AP1G1: variants seen among roughly 807,000 people sequenced by gnomAD.
AP1G1 encodes the protein adaptor related protein complex 1 subunit gamma 1.
Under a neutral mutation model 108.3 loss-of-function variants are expected in AP1G1, and 7 were observed. The observed-to-expected ratio is 0.06, with a 90% CI of 0.04 to 0.12. The LOEUF (loss-of-function observed/expected upper bound fraction) is 0.12. Ranked by LOEUF, AP1G1 falls within the 10% of genes least tolerant of loss-of-function variation. The pLI, the probability that AP1G1 is intolerant of heterozygous loss-of-function variation, is 1.00. For missense variants in AP1G1, 756 were observed against 1,010.7 expected (o/e 0.75, Z 3.42); for synonymous variants, 379 against 353.5 (o/e 1.07, Z -0.81).
intron 1 of AP1G1, among the ~76,000 whole-genome samples, chr16:71,790,434 G>A (rs1408712263): frequency 2.0e-5 from 3 of 151,864 alleles, no homozygotes; most frequent in Middle Eastern, 3.4e-3. Context: ...CAGCTACTCA[G>A]GAGAATTGCT....
At chr16:71,745,015 G>T in intron 19 of AP1G1, 129 bp downstream of exon 19, 1 of 954,808 alleles carries the variant, frequency 1.0e-6, no homozygotes, top group Non-Finnish European at 1.6e-6. Flanking sequence ...GTGAAGATTT[G>T]ACTCTTGCTT....
At chr16:71,743,379 T>A (rs1203613565) in intron 19 of AP1G1, 2 of 152,040 alleles carry the variant, frequency 1.3e-5, no homozygotes, top group African/African-American at 2.4e-5. Flanking sequence ...TTACTCAAGG[T>A]CATGTGTGCT....
intron 15 of AP1G1, among the ~76,000 whole-genome samples, chr16:71,748,759 T>C (rs895035963): frequency 1.3e-5 from 2 of 152,210 alleles, no homozygotes; most frequent in African/African-American, 2.4e-5. Flanking sequence ...AATAAGAACA[T>C]GGATACATGT....
rs1198142234 is a variant in AP1G1 at position 71,730,855 on chromosome 16, C to T, written c.*2203G>A. 1.3e-5 allele frequency: 2 copies of T among 152,596 alleles called. No individual in the cohort carries two copies. The highest frequency in any genetic ancestry group is 1.3e-4 in the Admixed American group (2 of 15,284). The allele number at this position is 152,596 out of a possible 1,614,324, so 9.5% of individuals were successfully genotyped here. The stretch of plus-strand genomic sequence containing the variant: ...GAAACTATGATCACCCAAGGAAATG[C>T]TCTGTCAGCAGAGTAGACCCTTCCC... On this transcript the variant is annotated 3_prime_UTR_variant, in exon 23 of 23. Coordinates refer to ENST00000299980, the MANE Select transcript of AP1G1 (RefSeq NM_001128.6).
intron 11 of AP1G1, among the ~76,000 whole-genome samples, chr16:71,757,765 T>C (rs2030874524): frequency 6.6e-6 from 1 of 152,160 alleles, no homozygotes; most frequent in African/African-American, 2.4e-5. Context: ...GACACAAGTT[T>C]CACTTTTTTT....
intron 2 of AP1G1, among the ~76,000 whole-genome samples, chr16:71,778,186 T>C (rs1262957623): frequency 6.6e-6 from 1 of 152,190 alleles, no homozygotes; most frequent in Non-Finnish European, 1.5e-5. Flanking sequence ...CAAGCATTAT[T>C]TCAATATTCC....
chr16:71,773,158 T>A, intron 4 of AP1G1, 63 bp downstream of exon 4: 1 of 1,562,266 alleles, frequency 6.4e-7, no homozygotes, highest in South Asian at 1.1e-5. Context: ...AAATGAGTAA[T>A]CTGCCTTCTC....
rs1223628095 is a variant in AP1G1, at chr16:71,761,563, A to G, written c.923T>C (p.Leu308Pro). The G allele has an allele frequency of 6.2e-7, 1 of 1,606,048 alleles. No individual in the cohort carries two copies. ...GAAACGACCCAGGATATTTATGGCT[A>G]GGACCTAAAGAGAAACAGCATAGGT... ...DIKSESGLRV[L>P]AINILGRFLL... Residue 308 changes from leucine (L) to proline (P), a missense_variant, in exon 10 of 23, where the codon CTA (leucine) becomes CCA (proline). Physicochemically the swap from Leu to Pro is moderately conservative, Grantham distance 98. Transcript: ENST00000299980.
intron 2 of AP1G1, among the ~76,000 whole-genome samples, chr16:71,784,747 CAG>C (rs1479985758): frequency 6.6e-6 from 1 of 151,630 alleles, no homozygotes; most frequent in African/African-American, 2.4e-5. Flanking sequence ...TTAGTAGAGA[CAG>C]AGTTTCACCA....
chr16:71,787,402 G>A (rs1256832108), intron 2 of AP1G1, among the ~76,000 whole-genome samples: 1 of 151,664 alleles, frequency 6.6e-6, no homozygotes, highest in East Asian at 1.9e-4. Flanking sequence ...GCTGAGGTAG[G>A]AGAACTTGAG....
At chr16:71,793,790 A>G (rs1597086145) in intron 1 of AP1G1, among the ~76,000 whole-genome samples, 1 of 151,222 alleles carries the variant, frequency 6.6e-6, no homozygotes, top group South Asian at 2.1e-4. Context: ...GCTCACTGCA[A>G]TCTCTGCCTC....
intron 21 of AP1G1, among the ~76,000 whole-genome samples, chr16:71,736,924 T>G (rs1309898637): frequency 6.6e-6 from 1 of 151,886 alleles, no homozygotes; most frequent in East Asian, 1.9e-4. Context: ...GAAAATACAT[T>G]ATCATGTTGC....
rs951280326 is a variant in AP1G1, at chr16:71,765,406, C to T, written c.738+83G>A. The stretch of plus-strand genomic sequence containing the variant: ...AATTAACTACCAAATTTCTACTCAA[C>T]ACAAACTTAAGAGGAAGGAAATTGT... On this transcript the variant is annotated intron_variant, in intron 7 of 22. Transcript: ENST00000299980. 6 of 969,268 alleles carry T rather than the reference C, an allele frequency of 6.2e-6. No individual in the cohort carries two copies. In the Admixed American group the frequency reaches 1.4e-4, roughly 23 times the overall value. 60.0% of individuals were successfully genotyped at this position (969,268 alleles called of 1,614,324 possible).
At chr16:71,767,321 G>T (rs978642394) in intron 6 of AP1G1, among the ~76,000 whole-genome samples, 18 of 152,150 alleles carry the variant, frequency 1.2e-4, no homozygotes, top group African/African-American at 4.3e-4. Flanking sequence ...ATGACACAGG[G>T]AAAGGCTGCA....
At chr16:71,749,653 T>G (rs1385345295) in intron 15 of AP1G1, among the ~76,000 whole-genome samples, 1 of 151,982 alleles carries the variant, frequency 6.6e-6, no homozygotes, top group Non-Finnish European at 1.5e-5. Context: ...ATCATACCTG[T>G]CTAATATTTG....
Position 71,745,145 on chromosome 16 carries a change from T to G in AP1G1, c.1998A>C (p.Thr666=), listed in dbSNP as rs1457798344. The G allele has an allele frequency of 6.2e-7, 1 of 1,614,108 alleles. No homozygotes were observed. Among genetic ancestry groups the G allele is most frequent in the Non-Finnish European group, 8.5e-7 (1 of 1,180,020 alleles). ...LLDLLGDINL[T]GAPAAAPAPA... ...TTAAATAGCTCCAGACTGCCTCACC[T>G]GTAAGGTTGATGTCTCCCAGCAAAT... is the stretch of plus-strand genomic sequence containing the variant. The change falls in exon 19 of 23, where the codon ACA becomes ACC. Residue 666 remains threonine, a splice_region_variant and synonymous_variant. Transcript: ENST00000299980.
chr16:71,804,687 C>A (rs1231443395), intron 1 of AP1G1, among the ~76,000 whole-genome samples: 1 of 152,164 alleles, frequency 6.6e-6, no homozygotes, highest in South Asian at 2.1e-4. Context: ...GGATTACAGG[C>A]ATGAACCACT....
intron 2 of AP1G1, among the ~76,000 whole-genome samples, chr16:71,778,639 C>T (rs953679142): frequency 6.7e-6 from 1 of 148,470 alleles, no homozygotes; most frequent in Non-Finnish European, 1.5e-5. Flanking sequence ...GCTGAGATCG[C>T]GCCACTGCCC....
At position 71,791,048 on chromosome 16, in the gene AP1G1, C is replaced by G. The variant is rs1450622523; in HGVS notation, c.-3-1566G>C. On this transcript the variant is annotated intron_variant, in intron 1 of 22. Coordinates refer to ENST00000299980, the MANE Select transcript of AP1G1 (RefSeq NM_001128.6). ...CCAGCCTGGCCAACATTGCAAAACC[C>G]TGTCTCTACAAAAAATACAAAAATT... is the stretch of plus-strand genomic sequence containing the variant. Among the ~76,000 whole-genome samples, 2 of 152,032 alleles carry G rather than the reference C, an allele frequency of 1.3e-5. 1 individual carries two copies. Among genetic ancestry groups the G allele is most frequent in the East Asian group, 3.9e-4 (2 of 5,188 alleles).
Sources: allele counts gnomAD v4.1 joint callset (sites outside exome capture counted in the v4.1 genomes callset), GRCh38; gene constraint gnomAD v4.1.1; transcripts MANE v1.5; gene names NCBI Gene and HGNC (gene_info 2026-07-23, HGNC 2026-07-21).